Variants in C15orf40 observed in about 807,000 individuals in gnomAD.
C15orf40 encodes UPF0235 protein C15orf40.
In C15orf40, 9 loss-of-function variants were observed where a neutral mutation model predicts 13.9. The ratio of observed to expected loss-of-function variants is 0.65; its 90% CI spans 0.39 to 1.13. The LOEUF (loss-of-function observed/expected upper bound fraction) is 1.13. C15orf40 is among the 50% of genes most tolerant of loss of function. C15orf40 has a pLI of 0.01. For missense variants in C15orf40, 225 were observed against 188.5 expected (o/e 1.19, Z -1.13); for synonymous variants, 95 against 69.2 (o/e 1.37, Z -1.85).
At chr15:82,992,353 TAA>T (rs2030898004), downstream of C15orf40, among the ~76,000 whole-genome samples, 1 of 151,942 alleles carries the variant, frequency 6.6e-6, no homozygotes, top group East Asian at 1.9e-4. Context: ...CTGTCTCTAT[TAA>T]AAATACGAAA....
rs2031071553 is a variant in C15orf40, at chr15:82,996,329, TTCC to T, written c.*9265_*9267del. 1 of 152,220 alleles carries T rather than the reference TTCC, an allele frequency of 6.6e-6. No individual in the cohort carries two copies. The highest frequency in any genetic ancestry group is 1.5e-5 in the Non-Finnish European group (1 of 68,048). 9.4% of individuals were successfully genotyped at this position (152,220 alleles called of 1,614,324 possible). On this transcript the variant is annotated 3_prime_UTR_variant, in exon 4 of 4. Coordinates refer to ENST00000304177, the MANE Select transcript of C15orf40 (RefSeq NM_144597.3). ...GTGTGTATTTTTCTCATTTTAAAAT[TTCC>T]TCAACTTGTGTGTTTACAAAATAAT...
downstream of C15orf40, among the ~76,000 whole-genome samples, chr15:82,991,280 G>A (rs922724267): frequency 6.6e-6 from 1 of 152,180 alleles, no homozygotes. Context: ...AGGCATGGTG[G>A]CTCATGCCTG....
chr15:83,001,135 A>G lies in C15orf40; in HGVS notation c.*4462T>C, dbSNP rs1477686948. On this transcript the variant is annotated 3_prime_UTR_variant, in exon 4 of 4. Coordinates refer to ENST00000304177, the MANE Select transcript of C15orf40 (RefSeq NM_144597.3). Reference sequence around the variant, plus strand: ...CCTAGGTGTGCACTGCAAAGGTTCCACCTTCATCCTCTGGTTATTGCTGTC... The same window carrying G: ...CCTAGGTGTGCACTGCAAAGGTTCCGCCTTCATCCTCTGGTTATTGCTGTC... 3.0e-6 allele frequency: 3 copies of G among 985,342 alleles called. No individual in the cohort carries two copies. The African/African-American group carries it at 5.2e-5, about 17-fold the overall frequency. 61.0% of individuals were successfully genotyped at this position (985,342 alleles called of 1,614,324 possible).
At chr15:83,010,979 C>A (rs1052120861) in intron 1 of C15orf40, 3 of 155,498 alleles carry the variant, frequency 1.9e-5, no homozygotes, top group African/African-American at 7.2e-5. Flanking sequence ...CATTACCCCA[C>A]AGGCAAATCA....
chr15:82,997,268 CAG>C lies in C15orf40; in HGVS notation c.*8327_*8328del, dbSNP rs2031138509. On this transcript the variant is annotated 3_prime_UTR_variant, in exon 4 of 4. Coordinates refer to ENST00000304177, the MANE Select transcript of C15orf40 (RefSeq NM_144597.3). ...ATTGATAATTCTTGGGTGTTTCTCA[CAG>C]AGGGGGATTTGGCAGGGAAGGTCAG... The C allele has an allele frequency of 9.0e-5, 13 of 144,078 alleles. No homozygotes were observed. 8.9% of individuals were successfully genotyped at this position (144,078 alleles called of 1,614,324 possible). A position where few individuals can be genotyped will look rare whatever the true frequency, so the allele number is the denominator to read the frequency against.
chr15:83,001,192 G>C lies in C15orf40; in HGVS notation c.*4405C>G. On this transcript the variant is annotated 3_prime_UTR_variant, in exon 4 of 4. Transcript: ENST00000304177. ...CTAACCGAGAGGAAAGTGTGGAATG[G>C]CTCACAGAAATCAGAAGTCTGAAAT... 3.0e-6 allele frequency: 3 copies of C among 985,406 alleles called. No individual in the cohort carries two copies. The highest frequency in any genetic ancestry group is 3.6e-6 in the Non-Finnish European group (3 of 829,942). The allele number at this position is 985,406 out of a possible 1,614,324, so 61.0% of individuals were successfully genotyped here.
chr15:82,990,392 CT>C (rs1439195279), downstream of C15orf40: 28 of 352,696 alleles, frequency 7.9e-5, no homozygotes, highest in African/African-American at 8.7e-4. Flanking sequence ...ATAGAAAATG[CT>C]TTTACTTTGT....
In C15orf40 at chr15:83,008,559, C is replaced by T; in HGVS notation, c.355G>A (p.Val119Ile). The T allele has an allele frequency of 6.2e-7, 1 of 1,613,084 alleles. No homozygotes were observed. Among genetic ancestry groups the T allele is most frequent in the Non-Finnish European group, 8.5e-7 (1 of 1,179,546 alleles). ...KVLELRKSDV[V>I]LDKGGKSREK... ...AGAGCGAGACCTACCTTATCCAAAA[C>T]CACATCACTCTTCCTGAGTTCTAGG... The change falls in exon 3 of 4, where the codon GTT (valine) becomes ATT (isoleucine). Residue 119 changes from valine to isoleucine, a missense_variant. Coordinates refer to ENST00000304177, the MANE Select transcript of C15orf40 (RefSeq NM_144597.3).
rs534204094 is a variant in C15orf40, at chr15:82,996,637, C to T, written c.*8960G>A. ...CAGCCTGGGTGACAGAGTGAGACTCCGTCTCAAAATAAAATTAAAATAAAA... is the reference window on the plus strand; with the variant it reads ...CAGCCTGGGTGACAGAGTGAGACTCTGTCTCAAAATAAAATTAAAATAAAA... On this transcript the variant is annotated 3_prime_UTR_variant, in exon 4 of 4. Transcript: ENST00000304177. The T allele has an allele frequency of 4.0e-5, 6 of 150,030 alleles. No individual in the cohort carries two copies. Among genetic ancestry groups the T allele is most frequent in the East Asian group, 2.0e-4 (1 of 5,050 alleles). 9.3% of individuals were successfully genotyped at this position (150,030 alleles called of 1,614,324 possible).
At chr15:82,990,083 CT>C, downstream of C15orf40, 1 of 1,235,230 alleles carries the variant, frequency 8.1e-7, no homozygotes, top group Non-Finnish European at 1.1e-6. Context: ...ATGTTGGCAG[CT>C]TTTAGTAAAA....
In C15orf40 at chr15:83,007,528, A is replaced by G. The variant is rs1424715194; in HGVS notation, c.366+1020T>C. Among the ~76,000 whole-genome samples the G allele has an allele frequency of 2.0e-5, 3 of 152,240 alleles. No individual in the cohort carries two copies. The East Asian group carries it at 5.8e-4, about 29-fold the overall frequency. Reference sequence around the variant, plus strand: ...TTAAGTAAATATAAAAGTTATAAACAACTAGTTTCCCAATTATTTGAAAAA... The same window carrying G: ...TTAAGTAAATATAAAAGTTATAAACGACTAGTTTCCCAATTATTTGAAAAA... On this transcript the variant is annotated intron_variant, in intron 3 of 3. Coordinates refer to ENST00000304177, the MANE Select transcript of C15orf40 (RefSeq NM_144597.3).
downstream of C15orf40, chr15:82,990,718 G>A: frequency 7.5e-7 from 1 of 1,334,830 alleles, no homozygotes; most frequent in South Asian, 1.3e-5. Flanking sequence ...TTGGGATAAG[G>A]GTACACATCA....
In C15orf40 at chr15:83,000,796, T is replaced by G. The variant is rs1476011073; in HGVS notation, c.*4801A>C. The G allele has an allele frequency of 6.6e-6, 1 of 152,282 alleles. No homozygotes were observed. The highest frequency in any genetic ancestry group is 2.4e-5 in the African/African-American group (1 of 41,472). The allele number at this position is 152,282 out of a possible 1,614,324, so 9.4% of individuals were successfully genotyped here. A position where few individuals can be genotyped will look rare whatever the true frequency, so the allele number is the denominator to read the frequency against. On this transcript the variant is annotated 3_prime_UTR_variant, in exon 4 of 4. Transcript: ENST00000304177. ...GCCCACAGCCCAGAGAGCTGCCTCC[T>G]AAAGTTTGAGCATTTAGGTATTTGG...
chr15:82,989,003 T>A (rs1567084482), downstream of C15orf40: 1 of 1,586,336 alleles, frequency 6.3e-7, no homozygotes, highest in Non-Finnish European at 8.6e-7. Context: ...TCTTTAAAAT[T>A]GTACAGATTT....
intron 3 of C15orf40, chr15:83,006,365 C>T: frequency 8.2e-6 from 8 of 974,324 alleles, no homozygotes; most frequent in Non-Finnish European, 9.8e-6. Context: ...TAAATATAAA[C>T]AAATTGCTAT....
At chr15:82,989,223 T>A (rs1567084637), downstream of C15orf40, 1 of 1,604,588 alleles carries the variant, frequency 6.2e-7, no homozygotes. Context: ...AGATAGTTGA[T>A]CTGGCAGAGG....
chr15:82,989,877 G>A (rs759202087), downstream of C15orf40: 1 of 1,612,890 alleles, frequency 6.2e-7, no homozygotes, highest in South Asian at 1.1e-5. Context: ...TTTTATTGTT[G>A]TAGGTTGCAA....
rs1160481911 is a variant in C15orf40 at position 82,999,763 on chromosome 15, A to G, written c.*5834T>C. On this transcript the variant is annotated 3_prime_UTR_variant, in exon 4 of 4. Coordinates refer to ENST00000304177, the MANE Select transcript of C15orf40 (RefSeq NM_144597.3). ...CATCACAGATTAGTTTTCTGTAGAA[A>G]TGACCAGGGAGTACGTAACTTGTGG... 6.6e-6 allele frequency: 1 copy of G among 152,196 alleles called. No individual in the cohort carries two copies. The highest frequency in any genetic ancestry group is 2.4e-5 in the African/African-American group (1 of 41,458). 9.4% of individuals were successfully genotyped at this position (152,196 alleles called of 1,614,324 possible).
At chr15:83,009,661 T>G (rs62010162) in intron 2 of C15orf40, among the ~76,000 whole-genome samples, 25,190 of 152,214 alleles carry the variant, frequency 0.17, 2,477 homozygotes, top group Non-Finnish European at 0.22. Context: ...AGGAGCCCTG[T>G]CTGCCTGGCC....
Sources: gnomAD v4.1 joint callset for allele counts (sites outside exome capture counted in the v4.1 genomes callset) on GRCh38, gnomAD v4.1.1 for gene constraint, MANE v1.5 for transcripts, NCBI Gene and HGNC (gene_info 2026-07-23, HGNC 2026-07-21) for gene names.